The following PLD5 variants were observed in gnomAD, a reference collection of about 807,000 sequenced individuals.
The protein encoded by PLD5 is phospholipase D family member 5.
In PLD5, 36 loss-of-function variants were observed where a neutral mutation model predicts 61.1. That is an observed-to-expected ratio of 0.59 (90% CI 0.45 to 0.78). The LOEUF (loss-of-function observed/expected upper bound fraction) is 0.78. Ranked by LOEUF, PLD5 falls within the 30% of genes least tolerant of loss-of-function variation. The pLI is 0.00. For missense variants in PLD5, 515 were observed against 644.4 expected, an observed-to-expected ratio of 0.80 and a Z score of 2.17; for synonymous variants, 243 against 242.8, an observed-to-expected ratio of 1.00 and a Z score of -0.01.
intron 1 of PLD5, among the ~76,000 whole-genome samples, chr1:242,426,655 G>A (rs1366822315): frequency 6.6e-6 from 1 of 152,212 alleles, no homozygotes; most frequent in Admixed American, 6.5e-5. Context: ...ATGACTGTAA[G>A]TATATATGTG....
At chr1:242,299,398 A>G (rs988838037) in intron 2 of PLD5, among the ~76,000 whole-genome samples, 1 of 152,208 alleles carries the variant, frequency 6.6e-6, no homozygotes, top group Admixed American at 6.5e-5. Flanking sequence ...TAGCCATTAT[A>G]CTCCTATTAC....
At chr1:242,193,933 T>C (rs904962523) in intron 5 of PLD5, among the ~76,000 whole-genome samples, 1 of 152,222 alleles carries the variant, frequency 6.6e-6, no homozygotes, top group South Asian at 2.1e-4. Context: ...GCTGTAAAAC[T>C]ATTTCACCTA....
At chr1:242,157,252 T>G (rs1665451988) in intron 5 of PLD5, among the ~76,000 whole-genome samples, 1 of 152,236 alleles carries the variant, frequency 6.6e-6, no homozygotes, top group Admixed American at 6.5e-5. Flanking sequence ...TAGCAATTCG[T>G]CTAACCTTTT....
chr1:242,113,736 A>T (rs1294305492), intron 7 of PLD5, among the ~76,000 whole-genome samples, 154 bp downstream of exon 7: 1 of 152,224 alleles, frequency 6.6e-6, no homozygotes. Flanking sequence ...GTAATGAGTA[A>T]ATTGCCAATG....
intron 1 of PLD5, among the ~76,000 whole-genome samples, chr1:242,513,624 G>A (rs1032131633): frequency 4.6e-5 from 7 of 152,192 alleles, no homozygotes; most frequent in Non-Finnish European, 7.4e-5. Flanking sequence ...TGAATCTTCC[G>A]AAGTCTGAAG....
intron 1 of PLD5, among the ~76,000 whole-genome samples, chr1:242,475,372 G>A (rs1001548695): frequency 4.4e-5 from 6 of 137,928 alleles, no homozygotes; most frequent in Non-Finnish European, 7.6e-5. Flanking sequence ...GCAGTGAGCC[G>A]AGATTGCGCC....
intron 2 of PLD5, among the ~76,000 whole-genome samples, chr1:242,306,697 AC>A (rs1676370321): frequency 6.6e-6 from 1 of 152,074 alleles, no homozygotes; most frequent in South Asian, 2.1e-4. Flanking sequence ...CACTCATATT[AC>A]CAAGGAATGC....
At chr1:242,494,258 C>T (rs968250819) in intron 1 of PLD5, among the ~76,000 whole-genome samples, 2 of 152,088 alleles carry the variant, frequency 1.3e-5, no homozygotes, top group Non-Finnish European at 2.9e-5. Flanking sequence ...TGTCCTACCG[C>T]AGGCCCTATA....
rs374355982 is a variant in PLD5 at position 242,084,794 on chromosome 1, T to A, written c.*5060A>T. The A allele has an allele frequency of 2.2e-5, 3 of 134,124 alleles. No homozygotes were observed. The highest frequency in any genetic ancestry group is 8.7e-5 in the African/African-American group (3 of 34,382). 8.3% of individuals were successfully genotyped at this position (134,124 alleles called of 1,614,324 possible). A position where few individuals can be genotyped will look rare whatever the true frequency, so the allele number is the denominator to read the frequency against. Reference sequence around the variant, plus strand: ...TTTTTTTTTTAGAGAAAGAGATAGGTATAGTGTTTCAAAGATGCCTCCTTG... The same window carrying A: ...TTTTTTTTTTAGAGAAAGAGATAGGAATAGTGTTTCAAAGATGCCTCCTTG... On this transcript the variant is annotated 3_prime_UTR_variant, in exon 10 of 10. Transcript: ENST00000536534.
chr1:242,128,774 T>C (rs1324260486), intron 5 of PLD5, among the ~76,000 whole-genome samples: 9 of 152,130 alleles, frequency 5.9e-5, no homozygotes, highest in Admixed American at 2.0e-4. Context: ...AAGTCACCTA[T>C]GGAGCAGGCT....
chr1:242,478,140 A>T (rs1267399734), intron 1 of PLD5, among the ~76,000 whole-genome samples: 1 of 152,238 alleles, frequency 6.6e-6, no homozygotes, highest in African/African-American at 2.4e-5. Context: ...GCACACTGCC[A>T]AATGGAACAT....
At chr1:242,382,606 G>A (rs1662363396) in intron 1 of PLD5, among the ~76,000 whole-genome samples, 1 of 152,174 alleles carries the variant, frequency 6.6e-6, no homozygotes, top group Admixed American at 6.5e-5. Flanking sequence ...TGTAGAAAGA[G>A]CTTGATAAAA....
intron 2 of PLD5, among the ~76,000 whole-genome samples, chr1:242,302,783 C>A (rs1210311353): frequency 6.6e-6 from 1 of 152,162 alleles, no homozygotes; most frequent in Non-Finnish European, 1.5e-5. Context: ...GGGTATCTCC[C>A]AAATACATAT....
chr1:242,523,996 C>A, intron 1 of PLD5, 92 bp downstream of exon 1: 2 of 1,362,492 alleles, frequency 1.5e-6, no homozygotes, highest in South Asian at 2.9e-5. Context: ...CTCGCCTGCC[C>A]CCCGCGCCCC....
At chr1:242,245,621 T>C (rs1446481676) in intron 4 of PLD5, among the ~76,000 whole-genome samples, 2 of 152,200 alleles carry the variant, frequency 1.3e-5, no homozygotes, top group African/African-American at 4.8e-5. Context: ...AGATTTAGTA[T>C]CCATTGGTAG....
chr1:242,481,611 T>A (rs1167413130), intron 1 of PLD5, among the ~76,000 whole-genome samples: 1 of 152,204 alleles, frequency 6.6e-6, no homozygotes, highest in African/African-American at 2.4e-5. Context: ...CCTGCCTGCC[T>A]CTGTAGACTG....
At chr1:242,185,110 C>T (rs894437297) in intron 5 of PLD5, among the ~76,000 whole-genome samples, 1 of 152,178 alleles carries the variant, frequency 6.6e-6, no homozygotes, top group African/African-American at 2.4e-5. Context: ...ATGTTTATGG[C>T]ATTTGGAATC....
intron 2 of PLD5, among the ~76,000 whole-genome samples, chr1:242,309,273 G>T (rs1378525071): frequency 6.6e-6 from 1 of 151,660 alleles, no homozygotes; most frequent in African/African-American, 2.4e-5. Flanking sequence ...TACTACTAGA[G>T]ACAGAAATTA....
At chr1:242,497,444 A>C (rs1243354964) in intron 1 of PLD5, among the ~76,000 whole-genome samples, 2 of 152,074 alleles carry the variant, frequency 1.3e-5, no homozygotes, top group African/African-American at 2.4e-5. Context: ...TCTTCCTCTA[A>C]ATTTTCTATA....
Sources: gnomAD v4.1 joint callset for allele counts (sites outside exome capture counted in the v4.1 genomes callset) on GRCh38, gnomAD v4.1.1 for gene constraint, MANE v1.5 for transcripts, NCBI Gene and HGNC (gene_info 2026-07-23, HGNC 2026-07-21) for gene names.